Variants in ZNF563 observed in about 807,000 individuals in gnomAD.
ZNF563 encodes the protein zinc finger protein 563.
Under a neutral mutation model 48.5 loss-of-function variants are expected in ZNF563, and 39 were observed. The ratio of observed to expected loss-of-function variants is 0.80; its 90% confidence interval spans 0.62 to 1.05. ZNF563 has a LOEUF of 1.05. ZNF563 is among the 50% of genes least tolerant of loss of function. The pLI is 0.00. For missense variants in ZNF563, 538 were observed against 597.0 expected, an observed-to-expected ratio of 0.90 and a Z score of 1.03; for synonymous variants, 168 against 187.9, an observed-to-expected ratio of 0.89 and a Z score of 0.87.
chr19:12,323,313 CA>C (rs1968684677), intron 1 of ZNF563, among the ~76,000 whole-genome samples: 1 of 152,290 alleles, frequency 6.6e-6, no homozygotes, highest in South Asian at 2.1e-4. Context: ...TTGTCCCCTC[CA>C]AAACACATGT....
intron 1 of ZNF563, among the ~76,000 whole-genome samples, chr19:12,323,034 T>C (rs1968675363): frequency 6.6e-6 from 1 of 152,348 alleles, no homozygotes; most frequent in East Asian, 1.9e-4. Flanking sequence ...AAAGTCCTAC[T>C]ACCTATTGTG....
At chr19:12,333,388 C>T (rs950478973) in intron 1 of ZNF563, 92 bp downstream of exon 1, 11 of 1,535,932 alleles carry the variant, frequency 7.2e-6, no homozygotes, top group South Asian at 4.7e-5. Context: ...CCGGAGCTGA[C>T]GGCGGGGGAG....
the ZNF563 span, among the ~76,000 whole-genome samples, chr19:12,341,968 A>G: frequency 6.6e-6 from 1 of 152,220 alleles, no homozygotes; most frequent in Non-Finnish European, 1.5e-5. Context: ...TAGGACATAA[A>G]ACACAAAAGG....
chr19:12,320,394 G>A (rs1034453153), intron 3 of ZNF563, among the ~76,000 whole-genome samples: 6 of 151,704 alleles, frequency 4.0e-5, no homozygotes, highest in Non-Finnish European at 5.9e-5. Context: ...CCAGGCTGGA[G>A]TGCAGTAGCA....
At chr19:12,333,224 G>A (rs972646884) in intron 1 of ZNF563, among the ~76,000 whole-genome samples, 8 of 152,192 alleles carry the variant, frequency 5.3e-5, no homozygotes, top group Non-Finnish European at 1.2e-4. Context: ...GGCTGCGGGC[G>A]AGGAGCTGCC....
chr19:12,319,853 C>T lies in ZNF563; in HGVS notation c.192-20G>A, dbSNP rs369169291. The T allele has an allele frequency of 2.6e-5, 41 of 1,593,246 alleles. 1 individual carries two copies. Among genetic ancestry groups the T allele is most frequent in the Admixed American group, 8.7e-5 (5 of 57,666 alleles). On this transcript the variant is annotated intron_variant, in intron 3 of 3. Transcript: ENST00000293725. ...TGACATCTGTAAAAAATGAGTAGTA[C>T]GTTACTAAATAGTTGTTTCTAAATG... is the stretch of plus-strand genomic sequence containing the variant.
chr19:12,333,219 C>T (rs929104763), intron 1 of ZNF563, among the ~76,000 whole-genome samples: 7 of 152,190 alleles, frequency 4.6e-5, no homozygotes, highest in Admixed American at 1.3e-4. Context: ...TGGGGGGCTG[C>T]GGGCGAGGAG....
upstream of ZNF563, among the ~76,000 whole-genome samples, chr19:12,334,360 G>A (rs1968992170): frequency 6.6e-6 from 1 of 151,956 alleles, no homozygotes; most frequent in African/African-American, 2.4e-5. Flanking sequence ...TTCAGCAAAC[G>A]TCCCATTCAG....
intron 1 of ZNF563, among the ~76,000 whole-genome samples, chr19:12,328,444 C>A (rs1968844732): frequency 6.6e-6 from 1 of 152,176 alleles, no homozygotes; most frequent in African/African-American, 2.4e-5. Flanking sequence ...TCCACACTAC[C>A]AGCCTGTGTG....
Position 12,318,668 on chromosome 19 carries a change from C to T in ZNF563, c.1357G>A (p.Val453Ile). 1 of 1,614,060 alleles carries T rather than the reference C, an allele frequency of 6.2e-7. No homozygotes were observed. Among genetic ancestry groups the T allele is most frequent in the Non-Finnish European group, 8.5e-7 (1 of 1,180,018 alleles). Residue 453 changes from valine to isoleucine, a missense_variant, in exon 4 of 4, where the codon GTA (valine) becomes ATA (isoleucine). Val to Ile is a conservative substitution (Grantham distance 29, BLOSUM62 3). Transcript: ENST00000293725. ...HTGDGPNKCK[V>I]CGKAFVYPSV... ...GGATAAACAAAGGCTTTCCCACATA[C>T]CTTGCATTTATTCGGCCCATCTCCC... is the stretch of plus-strand genomic sequence containing the variant.
In ZNF563 at chr19:12,318,453, G is replaced by A. The variant is rs980863118; in HGVS notation, c.*141C>T. 8.3e-6 allele frequency: 8 copies of A among 959,600 alleles called. No homozygotes were observed. The highest frequency in any genetic ancestry group is 1.7e-5 in the African/African-American group (1 of 60,384). The allele number at this position is 959,600 out of a possible 1,614,324, so 59.4% of individuals were successfully genotyped here. ...ATATCATACAGCATCTCTCCAGTGTGAGATATTTCATGATTTTGAAAGGAA... is the reference window on the plus strand; with the variant it reads ...ATATCATACAGCATCTCTCCAGTGTAAGATATTTCATGATTTTGAAAGGAA... On this transcript the variant is annotated 3_prime_UTR_variant, in exon 4 of 4. Coordinates refer to ENST00000293725, the MANE Select transcript of ZNF563 (RefSeq NM_145276.3).
At chr19:12,323,352 A>G (rs1968685991) in intron 1 of ZNF563, among the ~76,000 whole-genome samples, 1 of 152,232 alleles carries the variant, frequency 6.6e-6, no homozygotes, top group African/African-American at 2.4e-5. Flanking sequence ...AGTGGGAGTA[A>G]TAAAAGGTGG....
At chr19:12,335,726 C>A (rs894693733), upstream of ZNF563, among the ~76,000 whole-genome samples, 1 of 152,198 alleles carries the variant, frequency 6.6e-6, no homozygotes, top group Non-Finnish European at 1.5e-5. Flanking sequence ...AGGCCAAGAA[C>A]AATCTAGACA....
chr19:12,318,661 C>T lies in ZNF563; in HGVS notation c.1364G>A (p.Gly455Glu). 6.2e-7 allele frequency: 1 copy of T among 1,614,118 alleles called. No individual in the cohort carries two copies. Residue 455 changes from glycine to glutamate, a missense_variant, in exon 4 of 4, where the codon GGG becomes GAG. Gly to Glu is a moderately conservative substitution (Grantham distance 98, BLOSUM62 -2). Transcript: ENST00000293725. ...GDGPNKCKVC[G>E]KAFVYPSVCQ... ...TACACTGGGATAAACAAAGGCTTTC[C>T]CACATACCTTGCATTTATTCGGCCC...
rs1472329780 is a variant in ZNF563 at position 12,318,874 on chromosome 19, A to G, written c.1151T>C (p.Met384Thr). 16 of 1,613,974 alleles carry G rather than the reference A, an allele frequency of 9.9e-6. No homozygotes were observed. Among genetic ancestry groups the G allele is most frequent in the African/African-American group, 1.3e-5 (1 of 74,908 alleles). ...LSHSSSFRRHMIMHTGGGPHK... is the reference protein window; with the variant it reads ...LSHSSSFRRHTIMHTGGGPHK... ...AGGTCCACCTCCAGTGTGCATTATC[A>G]TGTGTCTTCGAAAGCTTGAGCTATG... is the stretch of plus-strand genomic sequence containing the variant. Residue 384 changes from methionine to threonine, a missense_variant, in exon 4 of 4, where the codon ATG (methionine) becomes ACG (threonine). Met to Thr is a moderately conservative substitution (Grantham distance 81). Coordinates refer to ENST00000293725, the MANE Select transcript of ZNF563 (RefSeq NM_145276.3).
chr19:12,339,273 CTT>C, the ZNF563 span, among the ~76,000 whole-genome samples: 2,130 of 86,612 alleles, frequency 0.025, 79 homozygotes, highest in African/African-American at 0.078. Flanking sequence ...CAGTTGATTT[CTT>C]TTTTTTTTTT....
rs775704293 is a variant in ZNF563, at chr19:12,319,642, T to C, written c.383A>G (p.His128Arg). ...ATATTCCTGATACTCATGTGGTTTG[T>C]GTCCAGAATCAACTCTGATGTGGCT... The part of the protein sequence containing the change: ...LNSHIRVDSG[H>R]KPHEYQEYGE... The change falls in exon 4 of 4, where the codon CAC becomes CGC. Residue 128 changes from histidine to arginine, a missense_variant. His to Arg is a conservative substitution (Grantham distance 29). Coordinates refer to ENST00000293725, the MANE Select transcript of ZNF563 (RefSeq NM_145276.3). 2 of 1,614,106 alleles carry C rather than the reference T, an allele frequency of 1.2e-6. No homozygotes were observed. Among genetic ancestry groups the C allele is most frequent in the Non-Finnish European group, 1.7e-6 (2 of 1,180,056 alleles).
At chr19:12,346,219 A>G in the ZNF563 span, 1 of 152,160 alleles carries the variant, frequency 6.6e-6, no homozygotes, top group Non-Finnish European at 1.5e-5. Flanking sequence ...AAAACTAAAA[A>G]TTTTAAATAA....
chr19:12,329,472 C>CAAAA lies in ZNF563; in HGVS notation c.3+4004_3+4007dup, dbSNP rs754295632. Among the ~76,000 whole-genome samples, 29 of 75,890 alleles carry CAAAA rather than the reference C, an allele frequency of 3.8e-4. No homozygotes were observed. In the East Asian group the frequency reaches 6.9e-3, roughly 18 times the overall value. 49.8% of individuals were successfully genotyped at this position (75,890 alleles called of 152,430 possible). ...TGGGTGACAGAGCAAGACTCCATCT[C>CAAAA]AAAAAAAAAAAAAAAAAGAAAAGAA... On this transcript the variant is annotated intron_variant, in intron 1 of 3. Coordinates refer to ENST00000293725, the MANE Select transcript of ZNF563 (RefSeq NM_145276.3).
Sources: allele counts gnomAD v4.1 joint callset (sites outside exome capture counted in the v4.1 genomes callset), GRCh38; gene constraint gnomAD v4.1.1; transcripts MANE v1.5; gene names NCBI Gene and HGNC (gene_info 2026-07-23, HGNC 2026-07-21).